The following SOX5 variants were observed in gnomAD, a reference collection of about 807,000 sequenced individuals.
The protein encoded by SOX5 is transcription factor SOX-5.
SOX5 carries 9 observed loss-of-function variants against 92.0 expected under a neutral mutation model. The observed-to-expected ratio is 0.10, with a 90% CI of 0.06 to 0.17. The LOEUF (loss-of-function observed/expected upper bound fraction) is 0.17. Ranked by LOEUF, SOX5 falls within the 10% of genes least tolerant of loss-of-function variation. The pLI is 1.00. For missense variants in SOX5, 642 were observed against 944.5 expected, an observed-to-expected ratio of 0.68 and a Z score of 4.20; for synonymous variants, 344 against 336.3, an observed-to-expected ratio of 1.02 and a Z score of -0.25.
chr12:24,324,877 C>A (rs1188088079), intron 2 of SOX5, among the ~76,000 whole-genome samples: 1 of 151,898 alleles, frequency 6.6e-6, no homozygotes, highest in Non-Finnish European at 1.5e-5. Context: ...TAGTTAGTAC[C>A]TTTTAGACCT....
At chr12:24,027,889 C>T (rs552389753) in intron 4 of SOX5, among the ~76,000 whole-genome samples, 19 of 151,992 alleles carry the variant, frequency 1.3e-4, no homozygotes, top group Non-Finnish European at 2.5e-4. Context: ...CAGACTTTTC[C>T]CCTCACACCA....
intron 3 of SOX5, among the ~76,000 whole-genome samples, chr12:23,795,593 G>C (rs189235974): frequency 6.6e-6 from 1 of 152,208 alleles, no homozygotes; most frequent in East Asian, 1.9e-4. Flanking sequence ...GTGTGTGAGA[G>C]TGTGTGCTCA....
intron 1 of SOX5, among the ~76,000 whole-genome samples, chr12:23,927,293 A>G (rs948225986): frequency 1.3e-5 from 2 of 152,038 alleles, no homozygotes. Context: ...TATCCTTTCC[A>G]CTGGAGGTAT....
At chr12:24,125,191 G>T (rs1039645217) in intron 4 of SOX5, among the ~76,000 whole-genome samples, 4 of 152,124 alleles carry the variant, frequency 2.6e-5, no homozygotes, top group African/African-American at 9.7e-5. Context: ...CCTAAAGGAG[G>T]AATCTCAGAG....
chr12:23,710,315 T>C (rs1450551775), intron 6 of SOX5, among the ~76,000 whole-genome samples: 2 of 152,200 alleles, frequency 1.3e-5, no homozygotes, highest in African/African-American at 4.8e-5. Flanking sequence ...TATGTATACA[T>C]GTGCCATGTT....
intron 4 of SOX5, among the ~76,000 whole-genome samples, chr12:23,979,158 C>T (rs914098208): frequency 2.6e-5 from 4 of 151,820 alleles, no homozygotes; most frequent in Admixed American, 1.3e-4. Context: ...TGTTTGGTTG[C>T]TTTATTTAGG....
At chr12:24,123,002 A>T (rs1565481625) in intron 4 of SOX5, among the ~76,000 whole-genome samples, 1 of 152,248 alleles carries the variant, frequency 6.6e-6, no homozygotes, top group Non-Finnish European at 1.5e-5. Flanking sequence ...AACAAAAGCC[A>T]AACCAGATTT....
At chr12:23,753,736 T>A (rs2094263668) in intron 4 of SOX5, among the ~76,000 whole-genome samples, 1 of 151,758 alleles carries the variant, frequency 6.6e-6, no homozygotes, top group Non-Finnish European at 1.5e-5. Context: ...GGGCCCTACA[T>A]AATCTTTGTG....
chr12:24,017,342 T>C (rs752579783), intron 4 of SOX5, among the ~76,000 whole-genome samples: 2 of 152,158 alleles, frequency 1.3e-5, no homozygotes, highest in Non-Finnish European at 2.9e-5. Context: ...TTCATGCCTG[T>C]AATCTCAGCA....
At chr12:24,131,318 T>C (rs1271967218) in intron 4 of SOX5, among the ~76,000 whole-genome samples, 1 of 152,194 alleles carries the variant, frequency 6.6e-6, no homozygotes, top group Non-Finnish European at 1.5e-5. Context: ...TGTAAATGTC[T>C]TTATTATAGC....
chr12:24,028,503 C>T (rs1042495872), intron 4 of SOX5, among the ~76,000 whole-genome samples: 3 of 151,952 alleles, frequency 2.0e-5, no homozygotes, highest in Non-Finnish European at 4.4e-5. Flanking sequence ...TCGCACCTTC[C>T]TTCTAGCTGC....
At chr12:23,842,801 TC>T (rs1192624292) in intron 3 of SOX5, among the ~76,000 whole-genome samples, 1 of 152,096 alleles carries the variant, frequency 6.6e-6, no homozygotes, top group Non-Finnish European at 1.5e-5. Flanking sequence ...GAGATAAATC[TC>T]CCATGTAGAA....
chr12:23,718,364 C>T (rs188450039), intron 6 of SOX5, among the ~76,000 whole-genome samples: 1 of 152,190 alleles, frequency 6.6e-6, no homozygotes, highest in East Asian at 1.9e-4. Context: ...CATTTTGAGG[C>T]TGCAAAACTC....
At chr12:24,325,743 TA>T (rs1408437184) in intron 2 of SOX5, among the ~76,000 whole-genome samples, 1 of 152,184 alleles carries the variant, frequency 6.6e-6, no homozygotes, top group Non-Finnish European at 1.5e-5. Context: ...ATAAATCCCA[TA>T]ATTAGCAAGA....
At chr12:24,442,957 T>TTA (rs1178765443) in intron 1 of SOX5, among the ~76,000 whole-genome samples, 3 of 146,052 alleles carry the variant, frequency 2.1e-5, no homozygotes, top group Non-Finnish European at 4.5e-5. Context: ...AATTTTTTTT[T>TTA]TTTTTTTTTT....
chr12:24,303,056 A>G (rs1052336921), intron 2 of SOX5, among the ~76,000 whole-genome samples: 1 of 152,244 alleles, frequency 6.6e-6, no homozygotes, highest in African/African-American at 2.4e-5. Context: ...AATACATTAT[A>G]TAAGACAAGG....
In SOX5 at chr12:23,999,363, A is replaced by G. The variant is rs543832219; in HGVS notation, c.-1-103339T>C. Among the ~76,000 whole-genome samples the G allele has an allele frequency of 3.3e-5, 5 of 152,272 alleles. No individual in the cohort carries two copies. The South Asian group carries it at 8.3e-4, about 25-fold the overall frequency. On this transcript the variant is annotated intron_variant, in intron 4 of 4. Transcript: ENST00000446891. ...GTATAACTTTGCAGTTACAAGATAA[A>G]TAAGTTCTAGATACCTAGTATACAA...
At chr12:23,964,597 G>C (rs887112253) in intron 4 of SOX5, among the ~76,000 whole-genome samples, 2 of 152,150 alleles carry the variant, frequency 1.3e-5, no homozygotes, top group African/African-American at 2.4e-5. Flanking sequence ...CAAGTGTAAA[G>C]TCCAGCACAA....
upstream of SOX5, chr12:23,951,063 T>C (rs1945553063): frequency 1.9e-6 from 1 of 515,190 alleles, no homozygotes; most frequent in African/African-American, 1.9e-5. Context: ...AAAGGCTACA[T>C]TACAGAGCCC....
Sources: allele counts gnomAD v4.1 joint callset (sites outside exome capture counted in the v4.1 genomes callset), GRCh38; gene constraint gnomAD v4.1.1; transcripts MANE v1.5; gene names NCBI Gene and HGNC (gene_info 2026-07-23, HGNC 2026-07-21).